The following PCDH9 variants were observed in gnomAD, a reference collection of about 807,000 sequenced individuals.
PCDH9 encodes protocadherin 9.
PCDH9 carries 24 observed loss-of-function variants against 70.6 expected under a neutral mutation model. The observed-to-expected ratio is 0.34, with a 90% confidence interval of 0.25 to 0.48. The LOEUF is 0.48. Ranked by LOEUF, PCDH9 falls within the 20% of genes least tolerant of loss-of-function variation. PCDH9 has a pLI of 0.99. For missense variants in PCDH9, 1,281 were observed against 1,503.6 expected (o/e 0.85, Z 2.45); for synonymous variants, 562 against 558.5 (o/e 1.01, Z -0.09).
intron 3 of PCDH9, among the ~76,000 whole-genome samples, chr13:66,643,422 TCAGA>T (rs1280384405): frequency 1.3e-5 from 2 of 152,052 alleles, no homozygotes; most frequent in Non-Finnish European, 2.9e-5. Flanking sequence ...ACCTATTATT[TCAGA>T]CAGTCACTGT....
At chr13:66,883,824 C>T (rs536578930) in intron 3 of PCDH9, among the ~76,000 whole-genome samples, 3 of 151,842 alleles carry the variant, frequency 2.0e-5, no homozygotes, top group Non-Finnish European at 4.4e-5. Flanking sequence ...TTCTCCTGTA[C>T]ACAACTGCAT....
chr13:66,812,596 A>G (rs1349065350), intron 3 of PCDH9, among the ~76,000 whole-genome samples: 1 of 152,184 alleles, frequency 6.6e-6, no homozygotes, highest in African/African-American at 2.4e-5. Flanking sequence ...GAGGGGATTA[A>G]AAAGTATGTG....
intron 3 of PCDH9, among the ~76,000 whole-genome samples, chr13:66,869,988 G>A (rs1322609771): frequency 6.6e-6 from 1 of 152,136 alleles, no homozygotes; most frequent in Non-Finnish European, 1.5e-5. Flanking sequence ...TAGACATGAA[G>A]TCCTTGCCCA....
chr13:66,416,449 A>G (rs1413578), intron 4 of PCDH9, among the ~76,000 whole-genome samples: 126,295 of 152,102 alleles, frequency 0.83, 53,706 homozygotes, highest in South Asian at 0.95. Context: ...GTAATATTAC[A>G]CCCAATGTCT....
intron 3 of PCDH9, among the ~76,000 whole-genome samples, chr13:66,641,840 A>G (rs533540657): frequency 3.6e-4 from 55 of 152,266 alleles, no homozygotes; most frequent in African/African-American, 1.3e-3. Context: ...AGTTACAAAA[A>G]ATTCATGTAT....
intron 4 of PCDH9, among the ~76,000 whole-genome samples, chr13:66,536,254 C>T (rs1420365659): frequency 1.3e-5 from 2 of 152,038 alleles, no homozygotes; most frequent in Non-Finnish European, 2.9e-5. Context: ...GGGAGTACAA[C>T]AGCTGAAGCT....
In PCDH9 at chr13:66,421,845, TTAAAAGGCACAGAC is replaced by T. The variant is rs1957573603; in HGVS notation, c.3341-116831_3341-116818del. ...AATGTTAACAGGCTAAATGCCCCAA[TTAAAAGGCACAGAC>T]TGGCAAATTGGATAAAGAGTCAAGA... On this transcript the variant is annotated intron_variant, in intron 4 of 4. Transcript: ENST00000377865. 2.6e-5 allele frequency among the ~76,000 whole-genome samples: 4 copies of T among 152,262 alleles called. No individual in the cohort carries two copies. In the South Asian group the frequency reaches 8.3e-4, roughly 32 times the overall value.
At chr13:66,738,220 C>A (rs909985845) in intron 3 of PCDH9, among the ~76,000 whole-genome samples, 13 of 151,446 alleles carry the variant, frequency 8.6e-5, no homozygotes, top group African/African-American at 3.1e-4. Context: ...AGGCACCCCC[C>A]AGCAGGGGCA....
At position 66,660,408 on chromosome 13, in the gene PCDH9, T is replaced by C. The variant is rs559686623; in HGVS notation, c.3139-28997A>G. The stretch of plus-strand genomic sequence containing the variant: ...CAGTAGATAAGGTCTCCTGAGAATA[T>C]GAAGGAAGAAGTATGTTCAGCAACT... On this transcript the variant is annotated intron_variant, in intron 3 of 4. Coordinates refer to ENST00000377865, the MANE Select transcript of PCDH9 (RefSeq NM_203487.3). Among the ~76,000 whole-genome samples, 8 of 152,280 alleles carry C rather than the reference T, an allele frequency of 5.3e-5. No homozygotes were observed. The South Asian group carries it at 1.2e-3, about 24-fold the overall frequency.
intron 4 of PCDH9, among the ~76,000 whole-genome samples, chr13:66,423,885 AT>A (rs1264058734): frequency 2.0e-5 from 3 of 152,116 alleles, no homozygotes; most frequent in Non-Finnish European, 4.4e-5. Context: ...AGGAAGTCAA[AT>A]TGTCTGTTTG....
chr13:67,169,595 T>G (rs1334045566), intron 2 of PCDH9, among the ~76,000 whole-genome samples: 3 of 152,192 alleles, frequency 2.0e-5, no homozygotes, highest in Non-Finnish European at 4.4e-5. Flanking sequence ...TTTTGTAAGC[T>G]AAACAATGTT....
At chr13:66,481,095 G>A (rs539539712) in intron 4 of PCDH9, among the ~76,000 whole-genome samples, 15 of 152,094 alleles carry the variant, frequency 9.9e-5, no homozygotes, top group Non-Finnish European at 1.9e-4. Flanking sequence ...ATAAGTGGGA[G>A]TCGAACAATG....
At chr13:67,001,657 G>A (rs1220346671) in intron 2 of PCDH9, among the ~76,000 whole-genome samples, 1 of 152,178 alleles carries the variant, frequency 6.6e-6, no homozygotes, top group African/African-American at 2.4e-5. Flanking sequence ...AGGAACAGAC[G>A]GGGCTGTGTA....
intron 2 of PCDH9, among the ~76,000 whole-genome samples, chr13:66,920,183 A>G (rs933362484): frequency 1.6e-4 from 24 of 151,310 alleles, no homozygotes; most frequent in African/African-American, 5.8e-4. Flanking sequence ...TAAGACATGT[A>G]CTTTTAACTT....
At chr13:67,219,864 T>C (rs1298777642) in intron 2 of PCDH9, 1 of 152,056 alleles carries the variant, frequency 6.6e-6, no homozygotes, top group Non-Finnish European at 1.5e-5. Context: ...TAAAGAATTA[T>C]CTTCAAGAAA....
At chr13:66,445,461 T>C (rs1177505758) in intron 4 of PCDH9, among the ~76,000 whole-genome samples, 1 of 142,872 alleles carries the variant, frequency 7.0e-6, no homozygotes, top group Non-Finnish European at 1.5e-5. Flanking sequence ...TATATACACA[T>C]ATATATAATA....
At chr13:66,926,755 T>C (rs1422593726) in intron 2 of PCDH9, among the ~76,000 whole-genome samples, 1 of 152,104 alleles carries the variant, frequency 6.6e-6, no homozygotes, top group East Asian at 1.9e-4. Context: ...TTCATGTACT[T>C]ACATGTGCTA....
intron 2 of PCDH9, among the ~76,000 whole-genome samples, chr13:67,046,900 T>A (rs2085232938): frequency 6.6e-6 from 1 of 152,084 alleles, no homozygotes; most frequent in African/African-American, 2.4e-5. Context: ...AATATGTCAA[T>A]AAGACAATCT....
chr13:66,658,736 A>T (rs528755085), intron 3 of PCDH9, among the ~76,000 whole-genome samples: 124 of 152,162 alleles, frequency 8.1e-4, no homozygotes, highest in Non-Finnish European at 1.3e-3. Context: ...TTAATGGTAT[A>T]TAAAATGATG....
Sources: gnomAD v4.1 joint callset for allele counts (sites outside exome capture counted in the v4.1 genomes callset) on GRCh38, gnomAD v4.1.1 for gene constraint, MANE v1.5 for transcripts, NCBI Gene and HGNC (gene_info 2026-07-23, HGNC 2026-07-21) for gene names.